Variants in CNTNAP2 observed in about 807,000 individuals in gnomAD.
CNTNAP2 encodes contactin associated protein 2, also known as contactin-associated protein-like 2.
In CNTNAP2, 98 loss-of-function variants were observed where a neutral mutation model predicts 155.2. The ratio of observed to expected loss-of-function variants is 0.63; its 90% CI spans 0.54 to 0.75. CNTNAP2 has a LOEUF of 0.75. Among genes scored for constraint, CNTNAP2 ranks in the 30% least tolerant of loss-of-function variants. CNTNAP2 has a pLI of 0.00. For missense variants in CNTNAP2, 1,727 were observed against 1,688.1 expected (o/e 1.02, Z -0.40); for synonymous variants, 651 against 631.2 (o/e 1.03, Z -0.47).
intron 8 of CNTNAP2, among the ~76,000 whole-genome samples, chr7:147,173,925 A>G (rs1802283180): frequency 6.6e-6 from 1 of 152,122 alleles, no homozygotes; most frequent in South Asian, 2.1e-4. Context: ...TTTTGAGTAC[A>G]ATTTCATAAC....
At chr7:147,051,423 T>C (rs536888828) in intron 4 of CNTNAP2, among the ~76,000 whole-genome samples, 9 of 151,984 alleles carry the variant, frequency 5.9e-5, no homozygotes, top group Non-Finnish European at 1.3e-4. Context: ...GCATGAACTC[T>C]GCCCTCAAGG....
At chr7:147,511,770 A>G (rs1006699844) in intron 11 of CNTNAP2, among the ~76,000 whole-genome samples, 1 of 152,262 alleles carries the variant, frequency 6.6e-6, no homozygotes, top group Non-Finnish European at 1.5e-5. Flanking sequence ...ACAAACCACT[A>G]TAGTAGCCAC....
At chr7:146,647,601 GA>G (rs1361802245) in intron 1 of CNTNAP2, among the ~76,000 whole-genome samples, 1 of 152,094 alleles carries the variant, frequency 6.6e-6, no homozygotes. Context: ...GTGATAAAGA[GA>G]AATCACTGGG....
chr7:147,385,302 A>G (rs973535780), intron 9 of CNTNAP2, among the ~76,000 whole-genome samples: 1 of 152,124 alleles, frequency 6.6e-6, no homozygotes, highest in African/African-American at 2.4e-5. Flanking sequence ...TCACATTTCA[A>G]AACCAATCAT....
At chr7:148,369,865 G>GT (rs1798856379) in intron 21 of CNTNAP2, among the ~76,000 whole-genome samples, 1 of 152,056 alleles carries the variant, frequency 6.6e-6, no homozygotes, top group African/African-American at 2.4e-5. Flanking sequence ...GATTTGAGCT[G>GT]TTTTCAGCTA....
intron 15 of CNTNAP2, among the ~76,000 whole-genome samples, chr7:148,009,513 G>A (rs1802036821): frequency 6.6e-6 from 1 of 152,106 alleles, no homozygotes; most frequent in Admixed American, 6.6e-5. Flanking sequence ...CTCAAACTTA[G>A]TATAGCACAG....
chr7:148,106,916 A>G (rs1481211073), intron 15 of CNTNAP2, among the ~76,000 whole-genome samples: 1 of 152,100 alleles, frequency 6.6e-6, no homozygotes, highest in African/African-American at 2.4e-5. Context: ...AGTTCCCATG[A>G]CACACCTAGC....
intron 1 of CNTNAP2, among the ~76,000 whole-genome samples, chr7:146,595,717 A>G (rs1437474066): frequency 6.6e-6 from 1 of 152,016 alleles, no homozygotes; most frequent in Non-Finnish European, 1.5e-5. Context: ...TACTAAATCT[A>G]GTCTCCCTAA....
chr7:147,016,348 G>A (rs1415839948), intron 3 of CNTNAP2, among the ~76,000 whole-genome samples: 2 of 151,788 alleles, frequency 1.3e-5, no homozygotes, highest in African/African-American at 2.4e-5. Context: ...AATCTCAAAC[G>A]GCAAAGAATT....
intron 8 of CNTNAP2, among the ~76,000 whole-genome samples, chr7:147,163,592 T>C (rs907144934): frequency 6.6e-6 from 1 of 152,112 alleles, no homozygotes; most frequent in Non-Finnish European, 1.5e-5. Context: ...AGGTCTTATT[T>C]TGCCATGCAA....
intron 21 of CNTNAP2, among the ~76,000 whole-genome samples, chr7:148,305,647 C>A (rs1363084654): frequency 2.0e-5 from 3 of 152,204 alleles, no homozygotes; most frequent in East Asian, 1.9e-4. Context: ...TGTCTTACCT[C>A]TGCAAAGCAG....
At chr7:147,083,941 TATATAG>T (rs1169309267) in intron 4 of CNTNAP2, among the ~76,000 whole-genome samples, 12 of 95,098 alleles carry the variant, frequency 1.3e-4, no homozygotes, top group African/African-American at 3.6e-4. Context: ...ATGTATATAT[TATATAG>T]CATTATATAT....
intron 4 of CNTNAP2, among the ~76,000 whole-genome samples, chr7:147,069,917 A>G (rs1279978365): frequency 1.3e-5 from 2 of 152,212 alleles, no homozygotes; most frequent in African/African-American, 4.8e-5. Context: ...TTTAAGTTCA[A>G]TTAATCATAT....
At chr7:146,420,850 T>C (rs543134987) in intron 1 of CNTNAP2, among the ~76,000 whole-genome samples, 1 of 152,216 alleles carries the variant, frequency 6.6e-6, no homozygotes, top group East Asian at 1.9e-4. Context: ...TTAGTAGCAA[T>C]TTGTAGGCAC....
chr7:146,705,790 A>G (rs1800954460), intron 1 of CNTNAP2, among the ~76,000 whole-genome samples: 1 of 152,048 alleles, frequency 6.6e-6, no homozygotes, highest in African/African-American at 2.4e-5. Context: ...AAGCTGCCCT[A>G]ATGATTCAAT....
At chr7:146,554,223 C>T (rs772506529) in intron 1 of CNTNAP2, among the ~76,000 whole-genome samples, 92 of 152,112 alleles carry the variant, frequency 6.0e-4, no homozygotes, top group Non-Finnish European at 7.5e-4. Context: ...AGTGCTTTAA[C>T]TTGAACTAGT....
At chr7:146,402,537 C>T (rs911604884) in intron 1 of CNTNAP2, among the ~76,000 whole-genome samples, 1 of 152,072 alleles carries the variant, frequency 6.6e-6, no homozygotes, top group Non-Finnish European at 1.5e-5. Context: ...AAATTATTTA[C>T]AGTAACACTC....
intron 9 of CNTNAP2, among the ~76,000 whole-genome samples, chr7:147,305,240 A>T (rs1293652992): frequency 6.6e-6 from 1 of 152,230 alleles, no homozygotes; most frequent in African/African-American, 2.4e-5. Context: ...TGCTATTGAA[A>T]GTAAAGGCAA....
At chr7:146,501,280 C>T (rs966368466) in intron 1 of CNTNAP2, among the ~76,000 whole-genome samples, 5 of 152,120 alleles carry the variant, frequency 3.3e-5, no homozygotes, top group Admixed American at 1.3e-4. Context: ...GAAGTGTTTG[C>T]GAAGGATTAC....
Sources: gnomAD v4.1 joint callset for allele counts (sites outside exome capture counted in the v4.1 genomes callset) on GRCh38, gnomAD v4.1.1 for gene constraint, MANE v1.5 for transcripts, NCBI Gene and HGNC (gene_info 2026-07-23, HGNC 2026-07-21) for gene names.